Variants in GNPAT observed in about 807,000 individuals in gnomAD.
The protein encoded by GNPAT is dihydroxyacetone phosphate acyltransferase.
A neutral mutation model predicts 78.4 loss-of-function variants in GNPAT; 30 were observed. The observed-to-expected ratio is 0.38, with a 90% CI of 0.29 to 0.52. GNPAT has a LOEUF of 0.52. Among genes scored for constraint, GNPAT ranks in the 20% least tolerant of loss-of-function variants. The pLI is 0.84. For synonymous variants in GNPAT, 271 were observed against 281.1 expected (o/e 0.96, Z 0.36); for missense variants, 714 against 812.2 (o/e 0.88, Z 1.47).
intron 9 of GNPAT, among the ~76,000 whole-genome samples, chr1:231,269,710 T>C (rs1300807709): frequency 6.6e-6 from 1 of 152,210 alleles, no homozygotes; most frequent in East Asian, 1.9e-4. Context: ...AAACCCATCA[T>C]TGTTTGGCCC....
chr1:231,251,227 T>C lies in GNPAT; in HGVS notation c.261+84T>C, dbSNP rs115938397. On this transcript the variant is annotated intron_variant, in intron 2 of 15. Transcript: ENST00000366647. ...TCTATAACTTATTTTGCTACTTTAA[T>C]ATATCCTTTTAGGCTGAGCTGTATT... 4,056 of 784,798 alleles carry C rather than the reference T, an allele frequency of 5.2e-3. 108 individuals are homozygous for C. In the African/African-American group the frequency reaches 0.054, roughly 11 times the overall value. 48.6% of individuals were successfully genotyped at this position (784,798 alleles called of 1,614,324 possible). A position where few individuals can be genotyped will look rare whatever the true frequency, so the allele number is the denominator to read the frequency against.
intron 2 of GNPAT, among the ~76,000 whole-genome samples, chr1:231,258,621 A>ATTT (rs1278102321): frequency 5.6e-5 from 5 of 90,086 alleles, no homozygotes; most frequent in South Asian, 3.7e-4. Flanking sequence ...ATTTTAATGC[A>ATTT]ATTTTTTTTT....
rs199523352 is a variant in GNPAT, at chr1:231,265,352, C to T, written c.628C>T (p.Arg210Trp). 72 of 1,609,302 alleles carry T rather than the reference C, an allele frequency of 4.5e-5. No homozygotes were observed. Among genetic ancestry groups the T allele is most frequent in the South Asian group, 9.9e-5 (9 of 90,984 alleles). The change falls in exon 5 of 16, where the codon CGG becomes TGG. Residue 210 changes from arginine to tryptophan, a missense_variant. Coordinates refer to ENST00000366647, the MANE Select transcript of GNPAT (RefSeq NM_014236.4). ...LLRMSGAFFMRRTFGGNKLYW... is the reference protein window; with the variant it reads ...LLRMSGAFFMWRTFGGNKLYW... The stretch of plus-strand genomic sequence containing the variant: ...ACGAATGTCGGGTGCCTTTTTCATG[C>T]GGCGTACCTTTGGTGGCAATAAACT...
Position 231,266,376 on chromosome 1 carries a change from A to T in GNPAT, c.1024A>T (p.Met342Leu), listed in dbSNP as rs1685389304. 1 of 1,613,876 alleles carries T rather than the reference A, an allele frequency of 6.2e-7. No homozygotes were observed. The highest frequency in any genetic ancestry group is 8.5e-7 in the Non-Finnish European group (1 of 1,179,878). ...ACTTCGATCTTTGGCAGCTGGGAGG[A>T]TGAGTCGGAGCTCATATAACTTGGT... Reference protein sequence around the residue: ...VSLRSLAAGRMSRSSYNLVPR... With the variant: ...VSLRSLAAGRLSRSSYNLVPR... The change falls in exon 8 of 16, where the codon ATG becomes TTG. Residue 342 changes from methionine to leucine, a missense_variant. Coordinates refer to ENST00000366647, the MANE Select transcript of GNPAT (RefSeq NM_014236.4).
chr1:231,251,773 T>C (rs925628243), intron 2 of GNPAT, among the ~76,000 whole-genome samples: 1 of 152,222 alleles, frequency 6.6e-6, no homozygotes, highest in African/African-American at 2.4e-5. Context: ...GGAGAAGCTA[T>C]CAGTTTTCTC....
intron 2 of GNPAT, among the ~76,000 whole-genome samples, chr1:231,258,861 T>C (rs1449458210): frequency 6.6e-6 from 1 of 151,528 alleles, no homozygotes; most frequent in Admixed American, 6.6e-5. Context: ...ATGGTCTCAA[T>C]CTCCTGACCT....
Position 231,260,691 on chromosome 1 carries a change from T to C in GNPAT, c.438+8T>C, listed in dbSNP as rs769983169. On this transcript the variant is annotated splice_region_variant and intron_variant, in intron 3 of 15. Transcript: ENST00000366647. ...GAAGAAGGTATTCAGAAAGTGAGTATTGATTATTAAAAAAATAAAGAAATA... is the reference window on the plus strand; with the variant it reads ...GAAGAAGGTATTCAGAAAGTGAGTACTGATTATTAAAAAAATAAAGAAATA... The C allele has an allele frequency of 1.7e-5, 25 of 1,512,954 alleles. No homozygotes were observed. The highest frequency in any genetic ancestry group is 1.0e-4 in the Admixed American group (6 of 59,450). 93.7% of individuals were successfully genotyped at this position (1,512,954 alleles called of 1,614,324 possible). A position where few individuals can be genotyped will look rare whatever the true frequency, so the allele number is the denominator to read the frequency against.
chr1:231,251,594 G>C (rs1467686461), intron 2 of GNPAT, among the ~76,000 whole-genome samples: 1 of 152,146 alleles, frequency 6.6e-6, no homozygotes, highest in Non-Finnish European at 1.5e-5. Flanking sequence ...TACCCAGGGA[G>C]CTTTTCAAAA....
rs766353241 is a variant in GNPAT, at chr1:231,270,889, C to G, written c.1411C>G (p.Gln471Glu). ...DSEVVDGLML[Q>E]HITLLMCSAY... ...GGAAGTGGTCGATGGGCTTATGCTC[C>G]AGCACATCACTCTCCTCATGTGCTC... The change falls in exon 10 of 16, where the codon CAG becomes GAG. Residue 471 changes from glutamine to glutamate, a missense_variant. Transcript: ENST00000366647. The G allele has an allele frequency of 3.1e-6, 5 of 1,614,114 alleles. No individual in the cohort carries two copies. The Admixed American group carries it at 8.3e-5, about 27-fold the overall frequency.
At chr1:231,255,993 T>C (rs1028892501) in intron 2 of GNPAT, among the ~76,000 whole-genome samples, 4 of 152,212 alleles carry the variant, frequency 2.6e-5, no homozygotes, top group African/African-American at 9.6e-5. Flanking sequence ...TTTTATGGGC[T>C]TTTCCTTTGC....
intron 2 of GNPAT, among the ~76,000 whole-genome samples, chr1:231,259,187 T>G (rs1033793141): frequency 6.6e-6 from 1 of 152,016 alleles, no homozygotes; most frequent in African/African-American, 2.4e-5. Context: ...AATCACTGTT[T>G]CAGGTAACCT....
chr1:231,275,111 T>C, intron 12 of GNPAT, 110 bp from the exon 13 acceptor site: 1 of 746,156 alleles, frequency 1.3e-6, no homozygotes, highest in Non-Finnish European at 2.4e-6. Flanking sequence ...GCTGCTCTCT[T>C]GTGATATATC....
At chr1:231,259,562 G>T (rs573605839) in intron 2 of GNPAT, among the ~76,000 whole-genome samples, 2 of 150,720 alleles carry the variant, frequency 1.3e-5, no homozygotes, top group Non-Finnish European at 2.9e-5. Flanking sequence ...CAGGAGAATC[G>T]CTTGAACCCG....
chr1:231,244,413 A>G (rs571981546), intron 1 of GNPAT, among the ~76,000 whole-genome samples: 16 of 152,342 alleles, frequency 1.1e-4, no homozygotes, highest in African/African-American at 3.8e-4. Context: ...TTAGGACAGT[A>G]AATCATCATC....
chr1:231,277,667 T>C lies in GNPAT; in HGVS notation c.*125T>C. On this transcript the variant is annotated 3_prime_UTR_variant, in exon 16 of 16. Coordinates refer to ENST00000366647, the MANE Select transcript of GNPAT (RefSeq NM_014236.4). ...ATACTCCCTGAGACTCTGAGAACAG[T>C]GGACGCAGAGGGAAGAGATGATCAT... 2 of 725,262 alleles carry C rather than the reference T, an allele frequency of 2.8e-6. No homozygotes were observed. Among genetic ancestry groups the C allele is most frequent in the Admixed American group, 1.9e-5 (1 of 51,770 alleles). 44.9% of individuals were successfully genotyped at this position (725,262 alleles called of 1,614,324 possible).
At position 231,266,105 on chromosome 1, in the gene GNPAT, G is replaced by A. The variant is rs1260726000; in HGVS notation, c.864G>A (p.Leu288=). The change falls in exon 7 of 16, where the codon TTG becomes TTA. Residue 288 remains leucine (L), a synonymous_variant. Transcript: ENST00000366647. ...VPISISYDKI[L]EETLYVYELL... ...TTAGTATCAGTTATGATAAGATCTT[G>A]GAAGAAACTCTTTATGTGTATGAGC... 6.8e-6 allele frequency: 11 copies of A among 1,611,576 alleles called. No homozygotes were observed. The highest frequency in any genetic ancestry group is 1.3e-5 in the African/African-American group (1 of 74,870).
At chr1:231,258,636 T>TTTC (rs1400682273) in intron 2 of GNPAT, among the ~76,000 whole-genome samples, 2 of 129,102 alleles carry the variant, frequency 1.5e-5, no homozygotes, top group African/African-American at 6.0e-5. Context: ...TTTTTTTTTT[T>TTTC]TTTTTTTTTT....
chr1:231,258,889 G>A (rs1423128676), intron 2 of GNPAT, among the ~76,000 whole-genome samples: 5 of 150,888 alleles, frequency 3.3e-5, no homozygotes, highest in South Asian at 2.1e-4. Context: ...CACCTGCCTC[G>A]GCCTCCCAAA....
intron 1 of GNPAT, among the ~76,000 whole-genome samples, chr1:231,246,997 G>A (rs777943641): frequency 2.8e-4 from 42 of 152,220 alleles, no homozygotes; most frequent in African/African-American, 8.2e-4. Context: ...GTGAAACCTC[G>A]TCTCTACTAT....
Sources: gnomAD v4.1 joint callset for allele counts (sites outside exome capture counted in the v4.1 genomes callset) on GRCh38, gnomAD v4.1.1 for gene constraint, MANE v1.5 for transcripts, NCBI Gene and HGNC (gene_info 2026-07-23, HGNC 2026-07-21) for gene names.